PDZD7: variants seen among roughly 807,000 people sequenced by gnomAD.
The protein encoded by PDZD7 is PDZ domain-containing protein 7.
PDZD7 carries 72 observed loss-of-function variants against 84.7 expected under a neutral mutation model. The ratio of observed to expected loss-of-function variants is 0.85; its 90% CI spans 0.70 to 1.03. The LOEUF (loss-of-function observed/expected upper bound fraction) is 1.03. PDZD7 is among the 50% of genes least tolerant of loss of function. PDZD7 has a pLI of 0.00. For missense variants in PDZD7, 1,490 were observed against 1,412.9 expected (o/e 1.05, Z -0.87); for synonymous variants, 594 against 580.7 (o/e 1.02, Z -0.33).
chr10:101,009,209 G>C (rs761947093), intron 16 of PDZD7, 41 bp downstream of exon 16: 92 of 1,484,642 alleles, frequency 6.2e-5, no homozygotes, highest in African/African-American at 5.6e-5. Flanking sequence ...CCTGGTTTCA[G>C]CTGTGCTCTG....
chr10:101,025,768 T>C (rs778245869), intron 2 of PDZD7, among the ~76,000 whole-genome samples: 18 of 150,696 alleles, frequency 1.2e-4, no homozygotes, highest in South Asian at 2.1e-4. Flanking sequence ...AGGATTGTTT[T>C]GATCTCCTGA....
At chr10:101,024,118 A>G (rs764701219) in intron 2 of PDZD7, 50 bp from the exon 3 acceptor site, 2 of 1,613,790 alleles carry the variant, frequency 1.2e-6, no homozygotes. Context: ...GTGGGCACAG[A>G]GGGCCCCTGG....
intron 3 of PDZD7, 125 bp from the exon 4 acceptor site, chr10:101,023,735 G>A (rs1853263214): frequency 1.4e-6 from 2 of 1,434,588 alleles, no homozygotes; most frequent in Admixed American, 1.8e-5. Flanking sequence ...CAGAGCAGGG[G>A]CTGAGTGTTC....
At chr10:101,029,952 C>CA in intron 2 of PDZD7, 42 bp downstream of exon 2, 3 of 1,430,538 alleles carry the variant, frequency 2.1e-6, no homozygotes, top group Non-Finnish European at 2.9e-6. Context: ...CCCCTACCCC[C>CA]ACCCTCCCCA....
intron 9 of PDZD7, chr10:101,017,785 TC>T: frequency 2.6e-6 from 1 of 385,088 alleles, no homozygotes; most frequent in Non-Finnish European, 4.3e-6. Flanking sequence ...AAACTCCATC[TC>T]AAAAAAAAAA....
chr10:101,013,594 G>A (rs1212034575), intron 11 of PDZD7, among the ~76,000 whole-genome samples: 2 of 152,220 alleles, frequency 1.3e-5, no homozygotes, highest in Non-Finnish European at 2.9e-5. Flanking sequence ...GTGGCCATGG[G>A]GTCCATGAAG....
At chr10:101,012,061 A>G (rs1357921074) in intron 12 of PDZD7, 45 bp from the exon 13 acceptor site, 1 of 1,541,804 alleles carries the variant, frequency 6.5e-7, no homozygotes, top group Admixed American at 2.0e-5. Flanking sequence ...GGCAGGCAGG[A>G]TTTCAGTTCC....
At chr10:101,017,233 T>A (rs1054208540) in intron 9 of PDZD7, 6 of 196,352 alleles carry the variant, frequency 3.1e-5, no homozygotes, top group African/African-American at 1.4e-4. Context: ...GGGGTTGCTA[T>A]GCAATAGAGG....
intron 2 of PDZD7, among the ~76,000 whole-genome samples, chr10:101,029,394 A>G (rs547435884): frequency 0.032 from 4,869 of 152,110 alleles, 121 homozygotes; most frequent in Non-Finnish European, 0.046. Context: ...ATTGTGCTCC[A>G]TGAAGCGGCA....
rs1852363509 is a variant in PDZD7 at position 101,010,624 on chromosome 10, G to C, written c.2265C>G (p.Pro755=). 1 of 1,504,738 alleles carries C rather than the reference G, an allele frequency of 6.6e-7. No individual in the cohort carries two copies. The highest frequency in any genetic ancestry group is 8.9e-7 in the Non-Finnish European group (1 of 1,127,526). 93.2% of individuals were successfully genotyped at this position (1,504,738 alleles called of 1,614,324 possible). ...PLRPNWLLTE[P]LSREHPPQSQ... Reference sequence around the variant, plus strand: ...TCTGCGGAGGGTGCTCTCGGCTCAGGGGTTCTGTCAGCAGCCAGTTAGGCC... The same window carrying C: ...TCTGCGGAGGGTGCTCTCGGCTCAGCGGTTCTGTCAGCAGCCAGTTAGGCC... Residue 755 remains proline, a synonymous_variant, in exon 15 of 17, where the codon CCC becomes CCG. Coordinates refer to ENST00000619208, the MANE Select transcript of PDZD7 (RefSeq NM_001195263.2).
chr10:101,014,201 G>A (rs558673008), intron 11 of PDZD7, among the ~76,000 whole-genome samples: 6 of 152,106 alleles, frequency 3.9e-5, no homozygotes, highest in Non-Finnish European at 1.5e-5. Context: ...CAGCTGTAGA[G>A]AGATGGCTCA....
intron 1 of PDZD7, chr10:101,030,656 T>C (rs1008110014): frequency 2.1e-5 from 7 of 337,040 alleles, no homozygotes; most frequent in Middle Eastern, 1.0e-3. Context: ...AGGTTGAGAG[T>C]GGAGTTGGGA....
chr10:101,025,651 T>C (rs530873911), intron 2 of PDZD7, among the ~76,000 whole-genome samples: 35 of 149,448 alleles, frequency 2.3e-4, no homozygotes, highest in Admixed American at 1.5e-3. Flanking sequence ...AGGTTCACGC[T>C]ATTCTCCTGC....
Position 101,019,235 on chromosome 10 carries a change from G to A in PDZD7, c.929-18C>T, listed in dbSNP as rs1251525659. 1.3e-6 allele frequency: 2 copies of A among 1,535,340 alleles called. No individual in the cohort carries two copies. Among genetic ancestry groups the A allele is most frequent in the East Asian group, 2.4e-5 (1 of 40,920 alleles). ...GTTGCTCACTGCAGGGAGTAGAGAA[G>A]CCAGGGATCAGCGGGCTTGCTTCAG... On this transcript the variant is annotated intron_variant, in intron 7 of 16. Transcript: ENST00000619208.
Position 101,016,391 on chromosome 10 carries a change from CA to C in PDZD7, c.1558del (p.Trp520GlyfsTer3). On this transcript the variant is annotated frameshift_variant, in exon 10 of 17. Transcript: ENST00000619208. LOFTEE classifies it high-confidence loss of function. ...GVGPVQKFVT[W>X]RLRRDQERGR... is the part of the protein sequence containing the mutation. ...GCATGAATTACCACGTCTCAGTCTC[CA>C]GGTGACAAACTTCTGTACCGGGCCC... The C allele has an allele frequency of 6.4e-7, 1 of 1,550,690 alleles. No individual in the cohort carries two copies. The highest frequency in any genetic ancestry group is 1.2e-5 in the South Asian group (1 of 84,064).
In PDZD7 at chr10:101,030,003, G is replaced by A; in HGVS notation, c.217C>T (p.Pro73Ser). The A allele has an allele frequency of 1.2e-6, 2 of 1,612,828 alleles. No homozygotes were observed. Among genetic ancestry groups the A allele is most frequent in the Non-Finnish European group, 1.7e-6 (2 of 1,179,964 alleles). Reference protein sequence around the residue: ...PMGRVILINSPIEANSDESDI... With the variant: ...PMGRVILINSSIEANSDESDI... ...TGGGTCCCGCCCCTACCTTCGATGG[G>A]GGAGTTGATGAGGATGACGCGTCCC... Residue 73 changes from proline to serine, a missense_variant, in exon 2 of 17, where the codon CCC becomes TCC. Coordinates refer to ENST00000619208, the MANE Select transcript of PDZD7 (RefSeq NM_001195263.2).
chr10:101,029,854 C>CA, intron 2 of PDZD7, 140 bp downstream of exon 2: 1 of 851,574 alleles, frequency 1.2e-6, no homozygotes, highest in South Asian at 1.7e-5. Context: ...TATGGGTTCC[C>CA]AGGCGGCCTG....
Position 101,024,002 on chromosome 10 carries a change from C to A in PDZD7, c.293G>T (p.Gly98Val), listed in dbSNP as rs1399742524. The A allele has an allele frequency of 6.2e-7, 1 of 1,614,268 alleles. No homozygotes were observed. The highest frequency in any genetic ancestry group is 8.5e-7 in the Non-Finnish European group (1 of 1,180,044). Residue 98 changes from glycine (G) to valine (V), a missense_variant, in exon 3 of 17, where the codon GGC (glycine) becomes GTC (valine). By Grantham distance (109) the Gly-to-Val change is moderately radical. Transcript: ENST00000619208. ...CTCTGAGCCCCCGCGCACGCTGAAGCCCAGCCTCCCTGCTGGACTCTTCTC... is the reference window on the plus strand; with the variant it reads ...CTCTGAGCCCCCGCGCACGCTGAAGACCAGCCTCCCTGCTGGACTCTTCTC... ...RVEKSPAGRLGFSVRGGSEHG... is the reference protein window; with the variant it reads ...RVEKSPAGRLVFSVRGGSEHG...
At position 101,008,354 on chromosome 10, in the gene PDZD7, T is replaced by G; in HGVS notation, c.*113A>C. The G allele has an allele frequency of 9.1e-7, 1 of 1,093,572 alleles. No individual in the cohort carries two copies. The highest frequency in any genetic ancestry group is 1.3e-6 in the Non-Finnish European group (1 of 784,640). The allele number at this position is 1,093,572 out of a possible 1,614,324, so 67.7% of individuals were successfully genotyped here. A position where few individuals can be genotyped will look rare whatever the true frequency, so the allele number is the denominator to read the frequency against. On this transcript the variant is annotated 3_prime_UTR_variant, in exon 17 of 17. Transcript: ENST00000619208. ...AAGATGTGAGCCACCAGTGTGGCACTGGGAGGAGGCAGGGTGGGCAGGAGC... is the reference window on the plus strand; with the variant it reads ...AAGATGTGAGCCACCAGTGTGGCACGGGGAGGAGGCAGGGTGGGCAGGAGC...
Sources: gnomAD v4.1 joint callset for allele counts (sites outside exome capture counted in the v4.1 genomes callset) on GRCh38, gnomAD v4.1.1 for gene constraint, MANE v1.5 for transcripts, NCBI Gene and HGNC (gene_info 2026-07-23, HGNC 2026-07-21) for gene names.